Variants in OPA1 observed in about 807,000 individuals in gnomAD.
OPA1 encodes dynamin-like GTPase OPA1, mitochondrial.
In OPA1, 59 loss-of-function variants were observed where a neutral mutation model predicts 152.9. The observed-to-expected ratio is 0.39, with a 90% CI of 0.31 to 0.48. OPA1 has a LOEUF of 0.48. Among genes scored for constraint, OPA1 ranks in the 20% least tolerant of loss-of-function variants. OPA1 has a pLI of 0.96. For synonymous variants in OPA1, 400 were observed against 389.9 expected (o/e 1.03, Z -0.31); for missense variants, 1,008 against 1,216.8 (o/e 0.83, Z 2.55).
chr3:193,631,626 G>C lies in OPA1; in HGVS notation c.804G>C (p.Glu268Asp). ...TAAACATTTAGGTGTCAGACAAAGA[G>C]AAAATTGACCAACTTCAGGAAGAAC... ...AQQKRKVSDKEKIDQLQEELL... is the reference protein window; with the variant it reads ...AQQKRKVSDKDKIDQLQEELL... The change falls in exon 8 of 31, where the codon GAG becomes GAC. Residue 268 changes from glutamate to aspartate, a missense_variant. Physicochemically the swap from Glu to Asp is conservative, Grantham distance 45. Transcript: ENST00000361510. The C allele has an allele frequency of 6.2e-7, 1 of 1,611,494 alleles. No individual in the cohort carries two copies. Among genetic ancestry groups the C allele is most frequent in the Non-Finnish European group, 8.5e-7 (1 of 1,177,906 alleles).
chr3:193,610,048 T>G (rs1039778783), intron 1 of OPA1, among the ~76,000 whole-genome samples: 1 of 152,242 alleles, frequency 6.6e-6, no homozygotes, highest in Non-Finnish European at 1.5e-5. Flanking sequence ...TCAAAGTCAT[T>G]CTCTGTCCAG....
At chr3:193,677,464 G>A (rs1403443559) in intron 29 of OPA1, among the ~76,000 whole-genome samples, 1 of 151,504 alleles carries the variant, frequency 6.6e-6, no homozygotes, top group Non-Finnish European at 1.5e-5. Flanking sequence ...TTATGTTTTT[G>A]CATATTTGAT....
At chr3:193,624,883 AT>A (rs137999178) in intron 6 of OPA1, among the ~76,000 whole-genome samples, 1 of 152,142 alleles carries the variant, frequency 6.6e-6, no homozygotes, top group Non-Finnish European at 1.5e-5. Flanking sequence ...TTGGGCAGTC[AT>A]TTTTTAACTC....
chr3:193,624,506 CTCT>C (rs1434094890), intron 6 of OPA1, among the ~76,000 whole-genome samples: 1 of 152,016 alleles, frequency 6.6e-6, no homozygotes, highest in Admixed American at 6.6e-5. Context: ...AATCAGGTTA[CTCT>C]TCTTTCTGCT....
At chr3:193,613,936 T>A in intron 1 of OPA1, 1 of 518,974 alleles carries the variant, frequency 1.9e-6, no homozygotes, top group Non-Finnish European at 3.8e-6. Context: ...TTTTAACTAC[T>A]TAGAATCAGA....
chr3:193,645,907 G>C (rs1323442520), intron 18 of OPA1, 107 bp downstream of exon 18: 8 of 918,488 alleles, frequency 8.7e-6, no homozygotes, highest in Non-Finnish European at 1.3e-5. Flanking sequence ...TTTAACATCG[G>C]ATTTCTAGAA....
At chr3:193,686,525 G>C (rs146697614) in intron 29 of OPA1, among the ~76,000 whole-genome samples, 1 of 152,244 alleles carries the variant, frequency 6.6e-6, no homozygotes, top group East Asian at 1.9e-4. Context: ...TCAACTAAAA[G>C]ATGCACCTTT....
chr3:193,659,905 G>T lies in OPA1; in HGVS notation c.2520+344G>T, dbSNP rs1038573081. On this transcript the variant is annotated intron_variant, in intron 25 of 30. Transcript: ENST00000361510. ...TCATTCCTGTAATCACAACCCTTTGGGAGGCCAAGTCAGAGGAATCGCTTG... is the reference window on the plus strand; with the variant it reads ...TCATTCCTGTAATCACAACCCTTTGTGAGGCCAAGTCAGAGGAATCGCTTG... Among the ~76,000 whole-genome samples the T allele has an allele frequency of 4.6e-5, 7 of 151,974 alleles. No individual in the cohort carries two copies. In the East Asian group the frequency reaches 1.4e-3, roughly 29 times the overall value.
intron 18 of OPA1, chr3:193,646,417 T>C (rs1220700271): frequency 1.3e-5 from 2 of 152,466 alleles, no homozygotes; most frequent in Admixed American, 6.5e-5. Flanking sequence ...TGTGTAGTTA[T>C]TAAAATTTAA....
chr3:193,634,729 A>C (rs78149991), intron 8 of OPA1, among the ~76,000 whole-genome samples: 1 of 152,228 alleles, frequency 6.6e-6, no homozygotes, highest in African/African-American at 2.4e-5. Context: ...TTGAAATAGT[A>C]ATATATTATC....
chr3:193,615,814 G>C (rs1342920266), intron 3 of OPA1, 44 bp downstream of exon 3: 2 of 1,095,964 alleles, frequency 1.8e-6, no homozygotes, highest in Admixed American at 3.4e-5. Context: ...GTCATCTCGA[G>C]GAAAGAGAAA....
chr3:193,687,092 T>C (rs1246206180), intron 29 of OPA1, among the ~76,000 whole-genome samples: 10 of 152,220 alleles, frequency 6.6e-5, no homozygotes, highest in Admixed American at 5.9e-4. Context: ...CAGATTAGTC[T>C]ATATTTGAGA....
chr3:193,662,029 A>T (rs1278464820), intron 25 of OPA1, among the ~76,000 whole-genome samples: 1 of 152,114 alleles, frequency 6.6e-6, no homozygotes, highest in Non-Finnish European at 1.5e-5. Context: ...AAAAACACTC[A>T]GTTTCGTAGC....
chr3:193,631,926 C>T (rs2108981714), intron 8 of OPA1, among the ~76,000 whole-genome samples: 1 of 152,222 alleles, frequency 6.6e-6, no homozygotes, highest in East Asian at 1.9e-4. Flanking sequence ...GTGGCTTGTC[C>T]TTATATAAAC....
intron 2 of OPA1, 151 bp downstream of exon 2, chr3:193,615,192 T>C (rs1226627297): frequency 2.8e-6 from 2 of 703,482 alleles, no homozygotes; most frequent in Non-Finnish European, 4.9e-6. Context: ...ATGATGCTAA[T>C]AGGAAGATGC....
At chr3:193,677,025 A>G (rs1719249819) in intron 29 of OPA1, among the ~76,000 whole-genome samples, 1 of 151,532 alleles carries the variant, frequency 6.6e-6, no homozygotes, top group South Asian at 2.1e-4. Context: ...AAGAATATCA[A>G]TAAATTAGTA....
chr3:193,647,990 G>A (rs1395554609), intron 19 of OPA1, 80 bp from the exon 20 acceptor site: 2 of 941,108 alleles, frequency 2.1e-6, no homozygotes, highest in Admixed American at 1.7e-5. Context: ...TAATACAGAG[G>A]ATATGTATTT....
intron 19 of OPA1, 115 bp from the exon 20 acceptor site, chr3:193,647,955 A>G (rs1734953188): frequency 4.0e-6 from 3 of 751,818 alleles, no homozygotes; most frequent in Admixed American, 2.0e-5. Flanking sequence ...CTAAGGGGTC[A>G]TAGGCGCACT....
intron 20 of OPA1, 26 bp from the exon 21 acceptor site, chr3:193,648,769 T>TA (rs750623858): frequency 1.4e-6 from 2 of 1,428,168 alleles, no homozygotes; most frequent in South Asian, 1.1e-5. Context: ...ATGGAAATCT[T>TA]ACTTACTTGT....
Sources: allele counts gnomAD v4.1 joint callset (sites outside exome capture counted in the v4.1 genomes callset), GRCh38; gene constraint gnomAD v4.1.1; transcripts MANE v1.5; gene names NCBI Gene and HGNC (gene_info 2026-07-23, HGNC 2026-07-21).